HOMER2: variants seen among roughly 807,000 people sequenced by gnomAD.
The protein encoded by HOMER2 is homer scaffold protein 2.
Under a neutral mutation model 47.0 loss-of-function variants are expected in HOMER2, and 27 were observed. The ratio of observed to expected loss-of-function variants is 0.57; its 90% CI spans 0.42 to 0.79. The LOEUF is 0.79. Ranked by LOEUF, HOMER2 falls within the 30% of genes least tolerant of loss-of-function variation. The pLI is 0.00. For synonymous variants in HOMER2, 161 were observed against 163.8 expected (o/e 0.98, Z 0.13); for missense variants, 443 against 435.0 (o/e 1.02, Z -0.16).
chr15:82,842,461 A>ATTTTTTTTTTTTTTTTTTTTT (rs372884842), exon 2 of HOMER2: 5 of 112,792 alleles, frequency 4.4e-5, no homozygotes, highest in African/African-American at 6.7e-5. Context: ...CAGCCAGCTA[A>ATTTTTTTTTTTTTTTTTTTTT]TTTTTTTTTT....
chr15:82,957,509 C>T (rs2054596672), upstream of HOMER2, among the ~76,000 whole-genome samples: 1 of 152,014 alleles, frequency 6.6e-6, no homozygotes, highest in Non-Finnish European at 1.5e-5. Flanking sequence ...CTCAATCTGC[C>T]CCCACCATGG....
chr15:82,927,994 A>T (rs2053897932), intron 1 of HOMER2, among the ~76,000 whole-genome samples: 2 of 151,594 alleles, frequency 1.3e-5, no homozygotes, highest in South Asian at 4.2e-4. Flanking sequence ...AAAAAAAAAA[A>T]AGTGCACCGC....
intron 1 of HOMER2, among the ~76,000 whole-genome samples, chr15:82,968,065 AT>A (rs1449322391): frequency 6.6e-6 from 1 of 152,122 alleles, no homozygotes; most frequent in Non-Finnish European, 1.5e-5. Context: ...TCATTTTTAA[AT>A]TTTTTATTTC....
chr15:82,931,674 T>C (rs1372004126), intron 1 of HOMER2, among the ~76,000 whole-genome samples: 2 of 151,558 alleles, frequency 1.3e-5, no homozygotes, highest in Non-Finnish European at 2.9e-5. Context: ...CCGTCTCTAC[T>C]AAAAATACAA....
chr15:82,846,712 G>A (rs974926825), downstream of HOMER2: 2 of 152,216 alleles, frequency 1.3e-5, no homozygotes, highest in Non-Finnish European at 2.9e-5. Context: ...ATGGCAGGCA[G>A]GAGAGATGAA....
intron 3 of HOMER2, among the ~76,000 whole-genome samples, chr15:82,869,390 T>C (rs1382485558): frequency 6.6e-6 from 1 of 151,178 alleles, no homozygotes; most frequent in African/African-American, 2.4e-5. Flanking sequence ...ATGGCCTCTT[T>C]TGAAATAAAC....
rs71822678 is a variant in HOMER2, at chr15:82,869,450, C to CTTTTTTTTT, written c.295-5200_295-5192dup. 1.1e-4 allele frequency among the ~76,000 whole-genome samples: 8 copies of CTTTTTTTTT among 70,260 alleles called. 3 individuals are homozygous for CTTTTTTTTT. The highest frequency in any genetic ancestry group is 1.0e-3 in the East Asian group (2 of 1,988). The allele number at this position is 70,260 out of a possible 152,430, so 46.1% of individuals were successfully genotyped here. ...AATTATATGATTTTCTACTAAACAT[C>CTTTTTTTTT]TTTTTTTTTTTTTTTTTTTTTTTTT... is the stretch of plus-strand genomic sequence containing the variant. On this transcript the variant is annotated intron_variant, in intron 3 of 8. Coordinates refer to ENST00000450735, the MANE Select transcript of HOMER2 (RefSeq NM_004839.4).
At chr15:82,865,444 G>A (rs1470091417) in intron 3 of HOMER2, among the ~76,000 whole-genome samples, 1 of 152,100 alleles carries the variant, frequency 6.6e-6, no homozygotes, top group Non-Finnish European at 1.5e-5. Flanking sequence ...GAATGAACGA[G>A]TTTTAGGCTT....
At chr15:82,941,018 A>G (rs2054254660) in intron 1 of HOMER2, among the ~76,000 whole-genome samples, 2 of 152,222 alleles carry the variant, frequency 1.3e-5, no homozygotes, top group African/African-American at 4.8e-5. Flanking sequence ...GAGCAAGGCA[A>G]GGTTTACATT....
In HOMER2 at chr15:82,859,190, C is replaced by T. The variant is rs772635989; in HGVS notation, c.388-55G>A. ...ATTCCTGGCCAAAGTGAATTATCTTCACACGTTATTGCTTGTCTGCACATC... is the reference window on the plus strand; with the variant it reads ...ATTCCTGGCCAAAGTGAATTATCTTTACACGTTATTGCTTGTCTGCACATC... On this transcript the variant is annotated intron_variant, in intron 4 of 8. Transcript: ENST00000450735. 13 of 1,612,756 alleles carry T rather than the reference C, an allele frequency of 8.1e-6. No individual in the cohort carries two copies. In the Admixed American group the frequency reaches 1.3e-4, roughly 17 times the overall value.
intron 1 of HOMER2, among the ~76,000 whole-genome samples, chr15:82,919,915 T>C (rs1272198031): frequency 2.0e-5 from 3 of 152,244 alleles, no homozygotes; most frequent in Non-Finnish European, 4.4e-5. Flanking sequence ...TGATAATTTT[T>C]AATTTTTGTG....
At chr15:82,938,040 C>T (rs773059240) in intron 1 of HOMER2, among the ~76,000 whole-genome samples, 7 of 152,168 alleles carry the variant, frequency 4.6e-5, no homozygotes, top group Non-Finnish European at 8.8e-5. Context: ...ATCTACCCTC[C>T]GGTTCTCAGA....
chr15:82,971,302 G>A (rs1489082307), intron 1 of HOMER2, among the ~76,000 whole-genome samples: 1 of 152,094 alleles, frequency 6.6e-6, no homozygotes, highest in Non-Finnish European at 1.5e-5. Flanking sequence ...CTTCCACAGG[G>A]CACTGGGGCA....
At chr15:82,949,002 C>T (rs2054443557) in intron 1 of HOMER2, among the ~76,000 whole-genome samples, 1 of 152,266 alleles carries the variant, frequency 6.6e-6, no homozygotes, top group African/African-American at 2.4e-5. Context: ...GAGGTGAATG[C>T]ACTCCAGATA....
intron 1 of HOMER2, among the ~76,000 whole-genome samples, chr15:82,909,476 G>A (rs147034343): frequency 6.6e-6 from 1 of 152,242 alleles, no homozygotes; most frequent in East Asian, 1.9e-4. Context: ...AGTAGTTTTG[G>A]CGGGAGGGAT....
intron 1 of HOMER2, among the ~76,000 whole-genome samples, chr15:82,980,674 C>T (rs1042900886): frequency 2.0e-5 from 3 of 152,060 alleles, no homozygotes; most frequent in African/African-American, 7.3e-5. Flanking sequence ...GGGAAGTGGA[C>T]AATCATGAGA....
At chr15:82,928,179 T>C (rs571482498) in intron 1 of HOMER2, among the ~76,000 whole-genome samples, 2 of 152,228 alleles carry the variant, frequency 1.3e-5, no homozygotes, top group South Asian at 4.1e-4. Context: ...ATCTATTGTG[T>C]GCAAGGGTAA....
At chr15:82,860,068 T>C (rs1007183810) in intron 4 of HOMER2, among the ~76,000 whole-genome samples, 1 of 151,880 alleles carries the variant, frequency 6.6e-6, no homozygotes, top group African/African-American at 2.4e-5. Context: ...GCCAACATAG[T>C]GAAACCCTGT....
exon 2 of HOMER2, chr15:82,838,233 G>C (rs937630956): frequency 6.6e-6 from 1 of 152,650 alleles, no homozygotes. Context: ...TCAGAGCAGC[G>C]GTAGAGTGAA....
Sources: gnomAD v4.1 joint callset for allele counts (sites outside exome capture counted in the v4.1 genomes callset) on GRCh38, gnomAD v4.1.1 for gene constraint, MANE v1.5 for transcripts, NCBI Gene and HGNC (gene_info 2026-07-23, HGNC 2026-07-21) for gene names.